The following GTF2IRD1 variants were observed in gnomAD, a reference collection of about 807,000 sequenced individuals.
The protein encoded by GTF2IRD1 is GTF2I repeat domain containing 1, also known as general transcription factor II-I repeat domain-containing protein 1.
Under a neutral mutation model 113.2 loss-of-function variants are expected in GTF2IRD1, and 26 were observed. The observed-to-expected ratio is 0.23, with a 90% CI of 0.17 to 0.32. GTF2IRD1 has a LOEUF of 0.32. Ranked by LOEUF, GTF2IRD1 falls within the 10% of genes least tolerant of loss-of-function variation. The pLI is 1.00. For synonymous variants in GTF2IRD1, 484 were observed against 529.1 expected, an observed-to-expected ratio of 0.91 and a Z score of 1.17; for missense variants, 864 against 1,280.8, an observed-to-expected ratio of 0.67 and a Z score of 4.97.
At chr7:74,488,496 G>A (rs1217180509) in intron 1 of GTF2IRD1, among the ~76,000 whole-genome samples, 21 of 152,060 alleles carry the variant, frequency 1.4e-4, no homozygotes, top group East Asian at 1.9e-4. Context: ...GGTGGCTCAC[G>A]CCTGTAATCC....
In GTF2IRD1 at chr7:74,513,235, C is replaced by T. The variant is rs10268071; in HGVS notation, c.265+264C>T. Among the ~76,000 whole-genome samples the T allele has an allele frequency of 0.27, 41,575 of 152,192 alleles. 6,647 individuals carry two copies. The highest frequency in any genetic ancestry group is 0.45 in the East Asian group (2,306 of 5,178). ...CCAGATGGGGACACCAAGGCCAAGGCTGCTGCTCAGTTCTTCCTCTTAACT... is the reference window on the plus strand; with the variant it reads ...CCAGATGGGGACACCAAGGCCAAGGTTGCTGCTCAGTTCTTCCTCTTAACT... On this transcript the variant is annotated intron_variant, in intron 3 of 26. Coordinates refer to ENST00000424337, the MANE Select transcript of GTF2IRD1 (RefSeq NM_005685.4).
intron 25 of GTF2IRD1, among the ~76,000 whole-genome samples, chr7:74,600,278 G>T (rs782145006): frequency 3.3e-5 from 5 of 152,050 alleles, no homozygotes; most frequent in South Asian, 2.1e-4. Context: ...AGTTAGCCAG[G>T]CATGGTGGCG....
intron 1 of GTF2IRD1, among the ~76,000 whole-genome samples, chr7:74,498,289 C>T (rs1356818712): frequency 2.0e-5 from 3 of 152,146 alleles, no homozygotes; most frequent in Admixed American, 6.5e-5. Flanking sequence ...AGGCATGAAC[C>T]ACTGCATCCA....
At chr7:74,602,241 C>CAAAAAAAAAAAA in intron 26 of GTF2IRD1, 124 bp from the exon 27 acceptor site, 1 of 1,213,386 alleles carries the variant, frequency 8.2e-7, no homozygotes, top group Non-Finnish European at 1.1e-6. Context: ...AACTCCATCT[C>CAAAAAAAAAAAA]AAAAAAATAA....
chr7:74,482,545 T>C (rs1021443916), intron 1 of GTF2IRD1, among the ~76,000 whole-genome samples: 2 of 152,044 alleles, frequency 1.3e-5, no homozygotes, highest in African/African-American at 4.8e-5. Context: ...CACTTTTCAT[T>C]GAGAACAAAG....
Position 74,512,351 on chromosome 7 carries a change from CA to C in GTF2IRD1, c.124-473del, listed in dbSNP as rs1486055380. 1.3e-5 allele frequency among the ~76,000 whole-genome samples: 2 copies of C among 152,046 alleles called. No individual in the cohort carries two copies. Among genetic ancestry groups the C allele is most frequent in the African/African-American group, 4.8e-5 (2 of 41,424 alleles). On this transcript the variant is annotated intron_variant, in intron 2 of 26. Coordinates refer to ENST00000424337, the MANE Select transcript of GTF2IRD1 (RefSeq NM_005685.4). The surrounding 1 kb of genome is among the most constrained non-coding windows in gnomAD (Gnocchi z 4.4). The stretch of plus-strand genomic sequence containing the variant: ...TGGGCGACAGAGTGAGACTGTGTCT[CA>C]AAAAACAAAACAAAACAGATGTGGA...
chr7:74,572,334 C>A (rs1800743234), intron 22 of GTF2IRD1, among the ~76,000 whole-genome samples: 1 of 152,072 alleles, frequency 6.6e-6, no homozygotes, highest in African/African-American at 2.4e-5. Context: ...TATCTCTGAT[C>A]TTGGATAAGT....
intron 1 of GTF2IRD1, among the ~76,000 whole-genome samples, chr7:74,473,289 G>C (rs1794211074): frequency 6.6e-6 from 1 of 152,212 alleles, no homozygotes; most frequent in Non-Finnish European, 1.5e-5. Context: ...CCCTTCCCAA[G>C]GGAGGAACCC....
At chr7:74,501,294 C>A (rs1316731029) in intron 1 of GTF2IRD1, among the ~76,000 whole-genome samples, 1 of 152,148 alleles carries the variant, frequency 6.6e-6, no homozygotes, top group Non-Finnish European at 1.5e-5. Flanking sequence ...GTGATGGGAA[C>A]CCGGATTTAG....
At chr7:74,585,656 C>T (rs587761370) in intron 22 of GTF2IRD1, among the ~76,000 whole-genome samples, 5 of 151,908 alleles carry the variant, frequency 3.3e-5, no homozygotes, top group African/African-American at 7.2e-5. Flanking sequence ...CCGAGGTGGG[C>T]GAATCACCTG....
At chr7:74,460,392 T>C (rs1278624401) in intron 1 of GTF2IRD1, among the ~76,000 whole-genome samples, 2 of 151,400 alleles carry the variant, frequency 1.3e-5, no homozygotes, top group Non-Finnish European at 2.9e-5. Context: ...CACCTCAGCC[T>C]CTGCACCTAG....
At chr7:74,539,309 G>T (rs1334034753) in intron 13 of GTF2IRD1, among the ~76,000 whole-genome samples, 1 of 152,124 alleles carries the variant, frequency 6.6e-6, no homozygotes, top group Non-Finnish European at 1.5e-5. Context: ...TTAGCCAGAT[G>T]TGGTGGTGTG....
At chr7:74,496,605 C>G (rs1795742207) in intron 1 of GTF2IRD1, among the ~76,000 whole-genome samples, 1 of 98,428 alleles carries the variant, frequency 1.0e-5, no homozygotes, top group African/African-American at 4.4e-5. Context: ...TGTGGGTGTG[C>G]ATGTATGTGG....
chr7:74,521,400 A>C, intron 7 of GTF2IRD1, 103 bp downstream of exon 7: 5 of 749,388 alleles, frequency 6.7e-6, no homozygotes, highest in Non-Finnish European at 1.2e-5. Context: ...TGTGAAAGAA[A>C]GGAGGAACAG....
chr7:74,529,861 C>G lies in GTF2IRD1; in HGVS notation c.1218C>G (p.Val406=). Residue 406 remains valine, a synonymous_variant, in exon 9 of 27, where the codon GTC becomes GTG. Coordinates refer to ENST00000424337, the MANE Select transcript of GTF2IRD1 (RefSeq NM_005685.4). Reference sequence around the variant, plus strand: ...TCAAGCGCCCCTGCACTTATGGAGTCCCCAAGCTGAAGCGGATCCTGGAGG... The same window carrying G: ...TCAAGCGCCCCTGCACTTATGGAGTGCCCAAGCTGAAGCGGATCCTGGAGG... ...IPFKRPCTYG[V]PKLKRILEER... is the part of the protein sequence containing the mutation. 1 of 1,614,064 alleles carries G rather than the reference C, an allele frequency of 6.2e-7. No homozygotes were observed. The highest frequency in any genetic ancestry group is 8.5e-7 in the Non-Finnish European group (1 of 1,179,986).
intron 6 of GTF2IRD1, among the ~76,000 whole-genome samples, chr7:74,520,769 C>CAAAAAAAA (rs1156355118): frequency 2.1e-5 from 1 of 48,490 alleles, no homozygotes; most frequent in African/African-American, 8.0e-5. Flanking sequence ...CTATCTCTAC[C>CAAAAAAAA]AAAAAAAAAA....
intron 8 of GTF2IRD1, among the ~76,000 whole-genome samples, chr7:74,527,988 C>A (rs1328618463): frequency 6.6e-6 from 1 of 152,142 alleles, no homozygotes; most frequent in African/African-American, 2.4e-5. Context: ...TTGGCAGAGC[C>A]GTCAGCTTCT....
At chr7:74,599,532 T>G (rs1802620837) in intron 25 of GTF2IRD1, among the ~76,000 whole-genome samples, 1 of 152,110 alleles carries the variant, frequency 6.6e-6, no homozygotes, top group Non-Finnish European at 1.5e-5. Flanking sequence ...ATTCACACAG[T>G]GATAATAGTA....
intron 19 of GTF2IRD1, 139 bp from the exon 20 acceptor site, chr7:74,557,500 G>A (rs1298053193): frequency 3.3e-6 from 2 of 602,518 alleles, no homozygotes; most frequent in East Asian, 5.6e-5. Flanking sequence ...CGGTGCTGAA[G>A]GACCTGAGGG....
Sources: gnomAD v4.1 joint callset for allele counts (sites outside exome capture counted in the v4.1 genomes callset) on GRCh38, gnomAD v4.1.1 for gene constraint, Gnocchi (gnomAD v3.1) non-coding constraint, MANE v1.5 for transcripts, NCBI Gene and HGNC (gene_info 2026-07-23, HGNC 2026-07-21) for gene names.